The following PRR16 variants were observed in gnomAD, a reference collection of about 807,000 sequenced individuals.
PRR16 encodes the protein proline rich 16, also known as protein Largen.
PRR16 carries 6 observed loss-of-function variants against 18.2 expected under a neutral mutation model. That is an observed-to-expected ratio of 0.33 (90% CI 0.18 to 0.65). The LOEUF (loss-of-function observed/expected upper bound fraction) is 0.65. Ranked by LOEUF, PRR16 falls within the 30% of genes least tolerant of loss-of-function variation. The pLI, the probability that PRR16 is intolerant of heterozygous loss-of-function variation, is 0.74. For missense variants in PRR16, 412 were observed against 376.6 expected, an observed-to-expected ratio of 1.09 and a Z score of -0.78; for synonymous variants, 151 against 147.8, an observed-to-expected ratio of 1.02 and a Z score of -0.16.
At chr5:120,510,316 G>C (rs951428713) in intron 1 of PRR16, among the ~76,000 whole-genome samples, 1 of 152,086 alleles carries the variant, frequency 6.6e-6, no homozygotes, top group Non-Finnish European at 1.5e-5. Context: ...AACATTCAAC[G>C]TGTTACATAG....
At chr5:120,488,517 T>C (rs1463893381) in intron 1 of PRR16, among the ~76,000 whole-genome samples, 1 of 152,158 alleles carries the variant, frequency 6.6e-6, no homozygotes, top group Non-Finnish European at 1.5e-5. Context: ...TTTTTTATTG[T>C]GTCTATTTGA....
the PRR16 span, among the ~76,000 whole-genome samples, chr5:120,700,784 G>A: frequency 6.6e-6 from 1 of 152,132 alleles, no homozygotes; most frequent in African/African-American, 2.4e-5. Flanking sequence ...CTTCCACTGT[G>A]AGAGTTACCC....
At chr5:120,616,369 T>G (rs761190847) in intron 1 of PRR16, among the ~76,000 whole-genome samples, 19 of 152,200 alleles carry the variant, frequency 1.2e-4, no homozygotes, top group Non-Finnish European at 2.2e-4. Flanking sequence ...CCAACTGCCC[T>G]CTGGAACTTA....
intron 1 of PRR16, among the ~76,000 whole-genome samples, chr5:120,494,081 T>G (rs1357888990): frequency 6.6e-6 from 1 of 152,216 alleles, no homozygotes; most frequent in East Asian, 1.9e-4. Flanking sequence ...AAATGCCAGT[T>G]ACATGTTTAG....
the PRR16 span, among the ~76,000 whole-genome samples, chr5:120,741,051 G>A: frequency 6.5e-3 from 993 of 151,738 alleles, 3 homozygotes; most frequent in Non-Finnish European, 0.01. Flanking sequence ...TAGAACACTT[G>A]AAGATATTTC....
At chr5:120,499,125 T>A (rs951527813) in intron 1 of PRR16, among the ~76,000 whole-genome samples, 4 of 149,410 alleles carry the variant, frequency 2.7e-5, no homozygotes, top group South Asian at 2.1e-4. Flanking sequence ...TTTTTTTTTT[T>A]AAAGACGGAG....
intron 1 of PRR16, among the ~76,000 whole-genome samples, chr5:120,670,588 C>T (rs1029083804): frequency 1.3e-5 from 2 of 152,090 alleles, no homozygotes; most frequent in South Asian, 2.1e-4. Context: ...TTAAATCAGT[C>T]AGGAAGGTAT....
chr5:120,494,131 T>C (rs1310710505), intron 1 of PRR16, among the ~76,000 whole-genome samples: 2 of 152,180 alleles, frequency 1.3e-5, no homozygotes, highest in Non-Finnish European at 2.9e-5. Flanking sequence ...AGAGTGACTA[T>C]ATTATTTTCA....
the PRR16 span, among the ~76,000 whole-genome samples, chr5:120,746,185 A>T: frequency 6.6e-6 from 1 of 151,646 alleles, no homozygotes; most frequent in Non-Finnish European, 1.5e-5. Flanking sequence ...CCATACAATG[A>T]TTGACACTGA....
At chr5:120,690,655 G>A (rs552136027), downstream of PRR16, among the ~76,000 whole-genome samples, 1 of 152,270 alleles carries the variant, frequency 6.6e-6, no homozygotes, top group Non-Finnish European at 1.5e-5. Flanking sequence ...GTGTAACTGT[G>A]ACAAGTTTAA....
At chr5:120,593,769 C>G (rs1753715523) in intron 1 of PRR16, among the ~76,000 whole-genome samples, 1 of 152,036 alleles carries the variant, frequency 6.6e-6, no homozygotes, top group Non-Finnish European at 1.5e-5. Context: ...TACCAACAAA[C>G]CGAATCTAAT....
chr5:120,702,258 G>A, the PRR16 span, among the ~76,000 whole-genome samples: 2 of 10,970 alleles, frequency 1.8e-4, no homozygotes, highest in Non-Finnish European at 2.4e-4. Flanking sequence ...GTCGGGGCAC[G>A]GAAATAAGGG....
the PRR16 span, among the ~76,000 whole-genome samples, chr5:120,740,111 A>C: frequency 6.6e-6 from 1 of 152,174 alleles, no homozygotes; most frequent in Non-Finnish European, 1.5e-5. Flanking sequence ...CTTCTAAAAT[A>C]ATGGCAATGC....
intron 1 of PRR16, among the ~76,000 whole-genome samples, chr5:120,590,887 A>G (rs1374919747): frequency 6.6e-6 from 1 of 152,176 alleles, no homozygotes; most frequent in African/African-American, 2.4e-5. Context: ...CAGTTCTGGT[A>G]TAGAGTAGTG....
intron 1 of PRR16, among the ~76,000 whole-genome samples, chr5:120,500,497 T>C (rs550136599): frequency 6.6e-6 from 1 of 152,330 alleles, no homozygotes; most frequent in South Asian, 2.1e-4. Flanking sequence ...ATGCCTTCCA[T>C]TTTAAGACCA....
In PRR16 at chr5:120,649,364, A is replaced by C. The variant is rs1339595010; in HGVS notation, c.160-36590A>C. ...GTGTATGACAGTCAAGGAAGCCCAC[A>C]TGATTCACTGTTAGGATGAAGATCA... On this transcript the variant is annotated intron_variant, in intron 1 of 1. Coordinates refer to ENST00000407149, the MANE Select transcript of PRR16 (RefSeq NM_001300783.2). Among the ~76,000 whole-genome samples, 3 of 152,190 alleles carry C rather than the reference A, an allele frequency of 2.0e-5. No individual in the cohort carries two copies. The East Asian group carries it at 5.8e-4, about 29-fold the overall frequency.
At chr5:120,582,350 T>C (rs1382568331) in intron 1 of PRR16, among the ~76,000 whole-genome samples, 1 of 152,146 alleles carries the variant, frequency 6.6e-6, no homozygotes, top group South Asian at 2.1e-4. Context: ...TTATTGAATA[T>C]AATGTTCAAT....
intron 1 of PRR16, among the ~76,000 whole-genome samples, chr5:120,633,016 G>T (rs1755108255): frequency 6.6e-6 from 1 of 152,100 alleles, no homozygotes; most frequent in East Asian, 1.9e-4. Flanking sequence ...AAACCTATCA[G>T]ATTTACAGCA....
At chr5:120,730,355 G>A in the PRR16 span, among the ~76,000 whole-genome samples, 1 of 152,110 alleles carries the variant, frequency 6.6e-6, no homozygotes, top group African/African-American at 2.4e-5. Flanking sequence ...AATTAATTTA[G>A]GTCCTTCCTG....
Sources: gnomAD v4.1 joint callset for allele counts (sites outside exome capture counted in the v4.1 genomes callset) on GRCh38, gnomAD v4.1.1 for gene constraint, MANE v1.5 for transcripts, NCBI Gene and HGNC (gene_info 2026-07-23, HGNC 2026-07-21) for gene names.